MGAT4C: variants seen among roughly 807,000 people sequenced by gnomAD.
The protein encoded by MGAT4C is MGAT4 family member C.
Under a neutral mutation model 40.1 loss-of-function variants are expected in MGAT4C, and 19 were observed. The ratio of observed to expected loss-of-function variants is 0.47; its 90% CI spans 0.33 to 0.70. MGAT4C has a LOEUF of 0.70. Among genes scored for constraint, MGAT4C ranks in the 30% least tolerant of loss-of-function variants. The pLI is 0.02. For missense variants in MGAT4C, 491 were observed against 563.2 expected (o/e 0.87, Z 1.30); for synonymous variants, 181 against 187.1 (o/e 0.97, Z 0.27).
At chr12:86,064,858 TA>T (rs1004298335) in intron 1 of MGAT4C, among the ~76,000 whole-genome samples, 6 of 151,548 alleles carry the variant, frequency 4.0e-5, no homozygotes, top group Non-Finnish European at 5.9e-5. Flanking sequence ...ATAGATGCAA[TA>T]AAAAAATGAT....
At chr12:86,513,353 C>T (rs1005338686) in intron 2 of MGAT4C, among the ~76,000 whole-genome samples, 5 of 151,998 alleles carry the variant, frequency 3.3e-5, no homozygotes, top group South Asian at 2.1e-4. Flanking sequence ...ATCTGAAGGA[C>T]GACAAGCAGA....
chr12:86,824,160 T>C (rs867460167), intron 1 of MGAT4C, among the ~76,000 whole-genome samples: 1 of 151,470 alleles, frequency 6.6e-6, no homozygotes, highest in South Asian at 2.1e-4. Context: ...TCAGTGGCAG[T>C]CAAATCTTAT....
chr12:86,705,954 G>T (rs182512086), intron 2 of MGAT4C, among the ~76,000 whole-genome samples: 98 of 152,248 alleles, frequency 6.4e-4, no homozygotes, highest in African/African-American at 2.4e-3. Context: ...CTTAAAGGAA[G>T]ATTAGTACAA....
intron 4 of MGAT4C, 123 bp from the exon 5 acceptor site, chr12:85,980,553 C>G (rs1453212909): frequency 1.2e-6 from 1 of 805,884 alleles, no homozygotes; most frequent in Admixed American, 3.1e-5. Flanking sequence ...TAGTAAATGA[C>G]TATGCACAGA....
intron 4 of MGAT4C, among the ~76,000 whole-genome samples, chr12:86,273,169 T>C (rs1426655753): frequency 6.6e-6 from 1 of 152,176 alleles, no homozygotes; most frequent in African/African-American, 2.4e-5. Flanking sequence ...GCATGGATGT[T>C]GATTAAAGAA....
chr12:86,172,884 T>A (rs1390119291), intron 1 of MGAT4C, among the ~76,000 whole-genome samples: 2 of 152,144 alleles, frequency 1.3e-5, no homozygotes, highest in African/African-American at 4.8e-5. Flanking sequence ...TGAATATTAA[T>A]GATTAACTTT....
intron 3 of MGAT4C, among the ~76,000 whole-genome samples, chr12:86,335,811 G>T (rs776756935): frequency 6.6e-6 from 1 of 152,066 alleles, no homozygotes; most frequent in Non-Finnish European, 1.5e-5. Flanking sequence ...GCACCAAAAT[G>T]TCTACAAATG....
intron 2 of MGAT4C, among the ~76,000 whole-genome samples, chr12:86,462,921 A>G (rs1319146614): frequency 3.3e-5 from 5 of 152,070 alleles, no homozygotes; most frequent in African/African-American, 1.2e-4. Context: ...TCAAATGTGA[A>G]TCTCCTTTTT....
chr12:86,792,402 C>A (rs1952038575), intron 1 of MGAT4C, among the ~76,000 whole-genome samples: 1 of 152,068 alleles, frequency 6.6e-6, no homozygotes, highest in African/African-American at 2.4e-5. Context: ...TACACCTTAG[C>A]CTTTACCCAG....
rs545299580 is a variant in MGAT4C at position 85,969,367 on chromosome 12, A to G, written c.*9922T>C. 20 of 151,830 alleles carry G rather than the reference A, an allele frequency of 1.3e-4. No homozygotes were observed. The highest frequency in any genetic ancestry group is 4.8e-4 in the African/African-American group (20 of 41,532). The allele number at this position is 151,830 out of a possible 1,614,324, so 9.4% of individuals were successfully genotyped here. A position where few individuals can be genotyped will look rare whatever the true frequency, so the allele number is the denominator to read the frequency against. On this transcript the variant is annotated 3_prime_UTR_variant, in exon 5 of 5. Transcript: ENST00000611864. ...GTTAATCACACAAAAAATGTTGCAT[A>G]CATACTGTCTAACTACCAGTTTGGT... is the stretch of plus-strand genomic sequence containing the variant.
At chr12:86,067,196 C>T (rs778691214) in intron 1 of MGAT4C, among the ~76,000 whole-genome samples, 3 of 152,022 alleles carry the variant, frequency 2.0e-5, no homozygotes, top group Non-Finnish European at 2.9e-5. Flanking sequence ...GACCTAGCAA[C>T]CTTATTACTG....
intron 2 of MGAT4C, chr12:86,601,424 C>A (rs1295380410): frequency 5.3e-5 from 8 of 152,342 alleles, no homozygotes; most frequent in Non-Finnish European, 1.0e-4. Flanking sequence ...CTTCCTCCAT[C>A]CTGAGCCCCA....
chr12:86,359,265 T>A (rs1453828135), intron 3 of MGAT4C, among the ~76,000 whole-genome samples: 1 of 152,194 alleles, frequency 6.6e-6, no homozygotes, highest in African/African-American at 2.4e-5. Context: ...TATAAACATG[T>A]TCTTTGAAAC....
intron 1 of MGAT4C, among the ~76,000 whole-genome samples, chr12:86,112,190 C>T (rs1877551436): frequency 6.6e-6 from 1 of 151,680 alleles, no homozygotes; most frequent in South Asian, 2.1e-4. Context: ...AGGTTTATGG[C>T]AACATTTAGC....
chr12:86,476,603 A>G (rs934752572), intron 2 of MGAT4C, among the ~76,000 whole-genome samples: 1 of 152,030 alleles, frequency 6.6e-6, no homozygotes, highest in Non-Finnish European at 1.5e-5. Flanking sequence ...GAAAAAAAAA[A>G]TTTATCAAAA....
chr12:86,774,872 T>C (rs1951725713), intron 1 of MGAT4C, among the ~76,000 whole-genome samples: 1 of 152,140 alleles, frequency 6.6e-6, no homozygotes, highest in Non-Finnish European at 1.5e-5. Flanking sequence ...CATTACATGA[T>C]AAAGTAACAC....
At chr12:86,298,695 GA>G (rs1953739264) in intron 4 of MGAT4C, among the ~76,000 whole-genome samples, 1 of 151,932 alleles carries the variant, frequency 6.6e-6, no homozygotes, top group Non-Finnish European at 1.5e-5. Context: ...TATTAAGTTG[GA>G]AAAAACATAC....
At chr12:86,801,246 A>G (rs1952219976) in intron 1 of MGAT4C, among the ~76,000 whole-genome samples, 1 of 151,938 alleles carries the variant, frequency 6.6e-6, no homozygotes, top group Non-Finnish European at 1.5e-5. Flanking sequence ...TGCAGGAAAG[A>G]AAACAACCAC....
rs141757621 is a variant in MGAT4C at position 85,988,116 on chromosome 12, A to G, written c.147+1284T>C. 3.7e-3 allele frequency among the ~76,000 whole-genome samples: 560 copies of G among 152,312 alleles called. 1 individual carries two copies. The highest frequency in any genetic ancestry group is 0.013 in the African/African-American group (547 of 41,568). The stretch of plus-strand genomic sequence containing the variant: ...TCTCCTATTTTCTAAGTTTGCCTAA[A>G]TCATACCTACTCAAATCCTGTTTAA... On this transcript the variant is annotated intron_variant, in intron 3 of 4. Coordinates refer to ENST00000611864, the MANE Select transcript of MGAT4C (RefSeq NM_001351288.2).
Sources: allele counts gnomAD v4.1 joint callset (sites outside exome capture counted in the v4.1 genomes callset), GRCh38; gene constraint gnomAD v4.1.1; transcripts MANE v1.5; gene names NCBI Gene and HGNC (gene_info 2026-07-23, HGNC 2026-07-21).